PRR16: variants seen among roughly 807,000 people sequenced by gnomAD.
The protein encoded by PRR16 is protein Largen.
Under a neutral mutation model 18.2 loss-of-function variants are expected in PRR16, and 6 were observed. The observed-to-expected ratio is 0.33, with a 90% CI of 0.18 to 0.65. The LOEUF is 0.65. PRR16 is among the 30% of genes least tolerant of loss of function. PRR16 has a pLI of 0.74. For synonymous variants in PRR16, 151 were observed against 147.8 expected (o/e 1.02, Z -0.16); for missense variants, 412 against 376.6 (o/e 1.09, Z -0.78).
chr5:120,489,777 G>T (rs1231559033), intron 1 of PRR16, among the ~76,000 whole-genome samples: 3 of 152,112 alleles, frequency 2.0e-5, no homozygotes, highest in Non-Finnish European at 4.4e-5. Context: ...GCATGTTTTT[G>T]CAGTGGCTGG....
chr5:120,757,528 T>G, the PRR16 span, among the ~76,000 whole-genome samples: 1 of 152,034 alleles, frequency 6.6e-6, no homozygotes, highest in Non-Finnish European at 1.5e-5. Flanking sequence ...CTACTGGCTT[T>G]CTTTTTCTTT....
chr5:120,671,265 A>T (rs987952395), intron 1 of PRR16, among the ~76,000 whole-genome samples: 1 of 152,128 alleles, frequency 6.6e-6, no homozygotes, highest in African/African-American at 2.4e-5. Flanking sequence ...TCTCTCAAAG[A>T]TCAGATATCA....
At chr5:120,711,838 C>T in the PRR16 span, among the ~76,000 whole-genome samples, 7 of 152,172 alleles carry the variant, frequency 4.6e-5, no homozygotes, top group South Asian at 2.1e-4. Flanking sequence ...CTTCTCTTTA[C>T]AGGGAGGGAT....
At chr5:120,604,509 C>G (rs1216862696) in intron 1 of PRR16, among the ~76,000 whole-genome samples, 2 of 152,064 alleles carry the variant, frequency 1.3e-5, no homozygotes, top group Non-Finnish European at 2.9e-5. Context: ...CAACTTGCCA[C>G]TTGATGCCTT....
At chr5:120,677,515 C>A (rs980674502) in intron 1 of PRR16, among the ~76,000 whole-genome samples, 3 of 152,130 alleles carry the variant, frequency 2.0e-5, no homozygotes, top group Non-Finnish European at 4.4e-5. Context: ...CCATTAATTT[C>A]TCTTTTCAGT....
intron 1 of PRR16, among the ~76,000 whole-genome samples, chr5:120,495,664 T>C (rs1186667398): frequency 6.6e-6 from 1 of 152,094 alleles, no homozygotes; most frequent in African/African-American, 2.4e-5. Context: ...ATCTATCTGC[T>C]CATTGCTAGT....
intron 1 of PRR16, among the ~76,000 whole-genome samples, chr5:120,603,401 G>A (rs774945173): frequency 3.3e-5 from 5 of 152,022 alleles, no homozygotes; most frequent in African/African-American, 7.2e-5. Context: ...AGGGATTAGT[G>A]TTAATGTCAC....
chr5:120,733,518 C>G, the PRR16 span, among the ~76,000 whole-genome samples: 1 of 152,044 alleles, frequency 6.6e-6, no homozygotes, highest in South Asian at 2.1e-4. Context: ...GTGTATAAGT[C>G]CCCAAATCCC....
chr5:120,742,724 A>G, the PRR16 span, among the ~76,000 whole-genome samples: 6 of 152,194 alleles, frequency 3.9e-5, no homozygotes, highest in Admixed American at 3.3e-4. Context: ...GCTTAAAACA[A>G]TATAAATAAA....
the PRR16 span, among the ~76,000 whole-genome samples, chr5:120,706,279 A>G: frequency 7.6e-6 from 1 of 131,836 alleles, no homozygotes; most frequent in Non-Finnish European, 1.7e-5. Flanking sequence ...AGGCCTCCTG[A>G]TGTAATGACA....
At chr5:120,722,758 G>A in the PRR16 span, among the ~76,000 whole-genome samples, 2 of 151,914 alleles carry the variant, frequency 1.3e-5, no homozygotes, top group African/African-American at 4.8e-5. Flanking sequence ...ACATACTGCT[G>A]TGAGAACTTG....
At chr5:120,498,052 A>G (rs924694868) in intron 1 of PRR16, among the ~76,000 whole-genome samples, 5 of 151,206 alleles carry the variant, frequency 3.3e-5, no homozygotes, top group Admixed American at 3.3e-4. Flanking sequence ...AGGTTTATGT[A>G]TGCCATTTTA....
At chr5:120,737,636 T>C in the PRR16 span, among the ~76,000 whole-genome samples, 1 of 151,694 alleles carries the variant, frequency 6.6e-6, no homozygotes, top group African/African-American at 2.4e-5. Flanking sequence ...TAGTTTTTTC[T>C]TTCTTTCTTT....
chr5:120,606,789 G>A (rs1524562), intron 1 of PRR16, among the ~76,000 whole-genome samples: 21,675 of 151,982 alleles, frequency 0.14, 1,791 homozygotes, highest in African/African-American at 0.24. Context: ...TGCCTGTGGT[G>A]CCAGCTACTC....
intron 1 of PRR16, among the ~76,000 whole-genome samples, chr5:120,494,218 A>C (rs985976545): frequency 1.3e-5 from 2 of 151,960 alleles, no homozygotes; most frequent in East Asian, 3.9e-4. Flanking sequence ...ACTTTTTTCT[A>C]GTTATTCTGA....
intron 1 of PRR16, among the ~76,000 whole-genome samples, chr5:120,538,223 T>A (rs1201285218): frequency 2.0e-5 from 3 of 152,246 alleles, no homozygotes; most frequent in African/African-American, 7.2e-5. Flanking sequence ...TATTATTGTT[T>A]CCATTTTAAA....
At chr5:120,674,711 A>G (rs1210048190) in intron 1 of PRR16, among the ~76,000 whole-genome samples, 2 of 151,948 alleles carry the variant, frequency 1.3e-5, no homozygotes, top group African/African-American at 4.8e-5. Flanking sequence ...TTTTATTATT[A>G]CCATCTCACA....
chr5:120,489,293 C>G (rs889813983), intron 1 of PRR16, among the ~76,000 whole-genome samples: 3 of 152,114 alleles, frequency 2.0e-5, no homozygotes, highest in East Asian at 1.9e-4. Flanking sequence ...GTCTAAGTCT[C>G]TTTGTAGGTC....
At chr5:120,723,690 C>A in the PRR16 span, among the ~76,000 whole-genome samples, 1 of 151,894 alleles carries the variant, frequency 6.6e-6, no homozygotes, top group African/African-American at 2.4e-5. Context: ...TGCAATTACT[C>A]CAGACTAGTA....
Sources: gnomAD v4.1 joint callset for allele counts (sites outside exome capture counted in the v4.1 genomes callset) on GRCh38, gnomAD v4.1.1 for gene constraint, MANE v1.5 for transcripts, NCBI Gene and HGNC (gene_info 2026-07-23, HGNC 2026-07-21) for gene names.